NCOA7: variants seen among roughly 807,000 people sequenced by gnomAD.
NCOA7 encodes nuclear receptor coactivator 7.
In NCOA7, 45 loss-of-function variants were observed where a neutral mutation model predicts 104.3. The ratio of observed to expected loss-of-function variants is 0.43; its 90% CI spans 0.34 to 0.55. NCOA7 has a LOEUF of 0.55. Among genes scored for constraint, NCOA7 ranks in the 20% least tolerant of loss-of-function variants. The pLI, the probability that NCOA7 is intolerant of heterozygous loss-of-function variation, is 0.02. For synonymous variants in NCOA7, 398 were observed against 402.3 expected, an observed-to-expected ratio of 0.99 and a Z score of 0.13; for missense variants, 1,041 against 1,119.7, an observed-to-expected ratio of 0.93 and a Z score of 1.00.
chr6:125,884,586 C>G (rs1457717080), intron 7 of NCOA7, among the ~76,000 whole-genome samples: 4 of 152,162 alleles, frequency 2.6e-5, no homozygotes, highest in Admixed American at 1.3e-4. Flanking sequence ...CTCCATAGTT[C>G]AGCTATATTC....
At chr6:125,810,504 G>A (rs114688469) in intron 1 of NCOA7, among the ~76,000 whole-genome samples, 180 of 152,280 alleles carry the variant, frequency 1.2e-3, no homozygotes, top group African/African-American at 4.2e-3. Context: ...CACCATAAAT[G>A]CAGGAGACTC....
chr6:125,928,115 C>T (rs145282514), intron 14 of NCOA7, 59 bp from the exon 15 acceptor site: 678 of 1,440,168 alleles, frequency 4.7e-4, no homozygotes, highest in Non-Finnish European at 6.1e-4. Flanking sequence ...TTCATATTTC[C>T]TCATTGCTAA....
rs578041005 is a variant in NCOA7 at position 125,931,548 on chromosome 6, A to G, written c.*2777A>G. 1.3e-5 allele frequency: 2 copies of G among 152,310 alleles called. No individual in the cohort carries two copies. Among genetic ancestry groups the G allele is most frequent in the Admixed American group, 1.3e-4 (2 of 15,294 alleles). The allele number at this position is 152,310 out of a possible 1,614,324, so 9.4% of individuals were successfully genotyped here. On this transcript the variant is annotated 3_prime_UTR_variant, in exon 16 of 16. Transcript: ENST00000392477. Reference sequence around the variant, plus strand: ...TCATAATTCCTCAGTTCATAAGTCCATATCAAAGGACTTGGGTGGGAGGAG... The same window carrying G: ...TCATAATTCCTCAGTTCATAAGTCCGTATCAAAGGACTTGGGTGGGAGGAG...
intron 3 of NCOA7, among the ~76,000 whole-genome samples, chr6:125,874,618 A>G (rs940085244): frequency 2.0e-5 from 3 of 152,244 alleles, no homozygotes; most frequent in Non-Finnish European, 4.4e-5. Context: ...CTCTAACTTC[A>G]TAATCATTAT....
At chr6:125,832,110 C>T (rs933179197) in intron 2 of NCOA7, among the ~76,000 whole-genome samples, 7 of 152,122 alleles carry the variant, frequency 4.6e-5, no homozygotes, top group Non-Finnish European at 7.4e-5. Context: ...ATACTTCTTC[C>T]GTATCTCCCT....
chr6:125,799,879 C>T (rs752769711), intron 1 of NCOA7, among the ~76,000 whole-genome samples: 1 of 152,170 alleles, frequency 6.6e-6, no homozygotes, highest in African/African-American at 2.4e-5. Flanking sequence ...TTAGAGATAA[C>T]GTATGAGTGT....
At chr6:125,909,867 G>A (rs1196052536) in intron 10 of NCOA7, among the ~76,000 whole-genome samples, 1 of 152,088 alleles carries the variant, frequency 6.6e-6, no homozygotes, top group Admixed American at 6.6e-5. Flanking sequence ...TTTGAGGGAG[G>A]ATTCAAGGAA....
intron 1 of NCOA7, among the ~76,000 whole-genome samples, chr6:125,803,537 A>G (rs1007554366): frequency 6.6e-6 from 1 of 152,244 alleles, no homozygotes; most frequent in African/African-American, 2.4e-5. Flanking sequence ...CATACTCTCC[A>G]TGTAAATATG....
chr6:125,857,441 AT>A (rs35775586), intron 3 of NCOA7, among the ~76,000 whole-genome samples: 31,954 of 139,484 alleles, frequency 0.23, 5,857 homozygotes, highest in African/African-American at 0.55. Context: ...ATATATATAT[AT>A]TTTTTTTTTT....
intron 1 of NCOA7, among the ~76,000 whole-genome samples, chr6:125,809,136 G>A (rs1053304870): frequency 6.6e-6 from 1 of 151,940 alleles, no homozygotes; most frequent in African/African-American, 2.4e-5. Context: ...CATTGTTTTT[G>A]TAACATGTAT....
At chr6:125,859,307 T>C (rs1408257388) in intron 3 of NCOA7, among the ~76,000 whole-genome samples, 1 of 151,998 alleles carries the variant, frequency 6.6e-6, no homozygotes, top group Non-Finnish European at 1.5e-5. Flanking sequence ...ATAATGAATT[T>C]GTTTGGAGAT....
Position 125,815,097 on chromosome 6 carries a change from T to C in NCOA7, c.-64-194T>C, listed in dbSNP as rs556625393. 5.7e-4 allele frequency: 167 copies of C among 292,852 alleles called. 1 individual carries two copies. The highest frequency in any genetic ancestry group is 3.3e-3 in the African/African-American group (153 of 46,410). 18.1% of individuals were successfully genotyped at this position (292,852 alleles called of 1,614,324 possible). On this transcript the variant is annotated intron_variant, in intron 1 of 15. Coordinates refer to ENST00000392477, the MANE Select transcript of NCOA7 (RefSeq NM_181782.5). ...TGGTTTTCCATCAGGTTTTGCTTTA[T>C]AGTTTAACATCTCCATTCTGATTGT...
chr6:125,911,679 T>C (rs1786567167), intron 10 of NCOA7, among the ~76,000 whole-genome samples: 1 of 152,160 alleles, frequency 6.6e-6, no homozygotes, highest in South Asian at 2.1e-4. Flanking sequence ...TAGGGTCTCT[T>C]TTATTCAGGG....
At chr6:125,829,907 T>TA (rs1779013001) in intron 2 of NCOA7, among the ~76,000 whole-genome samples, 1 of 152,214 alleles carries the variant, frequency 6.6e-6, no homozygotes, top group Admixed American at 6.5e-5. Flanking sequence ...TTAACCTCCT[T>TA]AATACAGGCA....
rs1213287072 is a variant in NCOA7, at chr6:125,855,140, T to G, written c.171T>G (p.Ile57Met). The change falls in exon 3 of 16, where the codon ATT becomes ATG. Residue 57 changes from isoleucine to methionine, a missense_variant. Transcript: ENST00000392477. ...TTTTAGAGCCAGACAAGTGCAACAT[T>G]GCTGTGGAAGAGGAATATATGACTG... ...TVVLEPDKCN[I>M]AVEEEYMTDE... is the part of the protein sequence containing the mutation. 6.2e-7 allele frequency: 1 copy of G among 1,613,372 alleles called. No individual in the cohort carries two copies. Among genetic ancestry groups the G allele is most frequent in the East Asian group, 2.2e-5 (1 of 44,840 alleles).
chr6:125,877,504 A>G (rs1220691703), intron 4 of NCOA7, among the ~76,000 whole-genome samples: 3 of 152,190 alleles, frequency 2.0e-5, no homozygotes, highest in African/African-American at 7.2e-5. Context: ...GGATGTTGAC[A>G]TGACATCAGG....
chr6:125,852,285 A>T (rs1012217041), intron 2 of NCOA7, among the ~76,000 whole-genome samples: 47 of 151,880 alleles, frequency 3.1e-4, no homozygotes, highest in African/African-American at 1.0e-3. Flanking sequence ...AACCTCCGCC[A>T]CCTGGGTTCA....
At chr6:125,861,053 C>A (rs1042212696) in intron 3 of NCOA7, among the ~76,000 whole-genome samples, 5 of 152,154 alleles carry the variant, frequency 3.3e-5, no homozygotes, top group African/African-American at 1.2e-4. Flanking sequence ...AGAACCTCTG[C>A]AGTACAAAGA....
chr6:125,912,924 T>C (rs1236357591), intron 10 of NCOA7, among the ~76,000 whole-genome samples: 1 of 152,212 alleles, frequency 6.6e-6, no homozygotes. Flanking sequence ...AGAAGGAAAC[T>C]TCTTATTATA....
Sources: gnomAD v4.1 joint callset for allele counts (sites outside exome capture counted in the v4.1 genomes callset) on GRCh38, gnomAD v4.1.1 for gene constraint, MANE v1.5 for transcripts, NCBI Gene and HGNC (gene_info 2026-07-23, HGNC 2026-07-21) for gene names.